Variants in ESCO2 observed in about 807,000 individuals in gnomAD.
ESCO2 encodes the protein establishment of sister chromatid cohesion N-acetyltransferase 2.
A neutral mutation model predicts 61.7 loss-of-function variants in ESCO2; 51 were observed. That is an observed-to-expected ratio of 0.83 (90% CI 0.66 to 1.04). The LOEUF (loss-of-function observed/expected upper bound fraction) is 1.04. ESCO2 is among the 50% of genes least tolerant of loss of function. ESCO2 has a pLI of 0.00. For synonymous variants in ESCO2, 230 were observed against 238.2 expected, an observed-to-expected ratio of 0.97 and a Z score of 0.32; for missense variants, 692 against 686.2, an observed-to-expected ratio of 1.01 and a Z score of -0.09.
At chr8:27,790,949 T>C (rs1805161952) in intron 7 of ESCO2, among the ~76,000 whole-genome samples, 1 of 152,222 alleles carries the variant, frequency 6.6e-6, no homozygotes, top group African/African-American at 2.4e-5. Context: ...GTAAGTTCCC[T>C]TTCATCCTTC....
At chr8:27,792,927 A>G (rs1352947494) in intron 9 of ESCO2, 116 bp downstream of exon 9, 5 of 1,161,984 alleles carry the variant, frequency 4.3e-6, no homozygotes, top group Non-Finnish European at 5.9e-6. Context: ...CTACTGAAAT[A>G]TCCTTGACCT....
chr8:27,774,078 A>G (rs955723598), upstream of ESCO2, among the ~76,000 whole-genome samples: 6 of 152,266 alleles, frequency 3.9e-5, no homozygotes, highest in African/African-American at 1.2e-4. Context: ...AAAAATAAAT[A>G]GAAACCTAAA....
At chr8:27,775,406 A>G in intron 1 of ESCO2, 93 bp from the exon 2 acceptor site, 2 of 1,116,444 alleles carry the variant, frequency 1.8e-6, no homozygotes, top group South Asian at 2.5e-5. Flanking sequence ...TAGGGTTTTA[A>G]CTTGGTGTGA....
intron 5 of ESCO2, among the ~76,000 whole-genome samples, chr8:27,787,415 G>GTAAAATGC (rs57571614): frequency 6.6e-6 from 1 of 151,360 alleles, no homozygotes; most frequent in African/African-American, 2.4e-5. Context: ...CATTGCCCAG[G>GTAAAATGC]TGCTGGGTCA....
At chr8:27,810,986 AAT>A, downstream of ESCO2, 1 of 1,607,516 alleles carries the variant, frequency 6.2e-7, no homozygotes, top group East Asian at 2.2e-5. Flanking sequence ...TTGAAAGATT[AAT>A]GTGTGGAATC....
At chr8:27,808,943 T>C (rs13261929), downstream of ESCO2, among the ~76,000 whole-genome samples, 5 of 152,194 alleles carry the variant, frequency 3.3e-5, no homozygotes, top group Non-Finnish European at 7.3e-5. Flanking sequence ...TTGCTGGTCT[T>C]GTCCTTGGTA....
At chr8:27,817,993 TTAATG>T in the ESCO2 span, among the ~76,000 whole-genome samples, 15 of 152,316 alleles carry the variant, frequency 9.8e-5, no homozygotes, top group South Asian at 3.1e-3. Context: ...TGTTTTAATA[TTAATG>T]TAAATAGCAA....
At chr8:27,795,845 G>A (rs1422607788) in intron 9 of ESCO2, among the ~76,000 whole-genome samples, 3 of 152,158 alleles carry the variant, frequency 2.0e-5, no homozygotes, top group East Asian at 3.9e-4. Context: ...AAGTCCACTG[G>A]ATCATGGTGT....
Position 27,803,740 on chromosome 8 carries a change from G to C in ESCO2, c.*302G>C. Reference sequence around the variant, plus strand: ...TAACTGGAAAATTACCTGACTCTTTGTAAGAGTATTAAATACAAAGTGATT... The same window carrying C: ...TAACTGGAAAATTACCTGACTCTTTCTAAGAGTATTAAATACAAAGTGATT... On this transcript the variant is annotated 3_prime_UTR_variant, in exon 11 of 11. Transcript: ENST00000305188. The C allele has an allele frequency of 8.8e-7, 1 of 1,142,104 alleles. No individual in the cohort carries two copies. Among genetic ancestry groups the C allele is most frequent in the Non-Finnish European group, 1.1e-6 (1 of 928,778 alleles). The allele number at this position is 1,142,104 out of a possible 1,614,324, so 70.7% of individuals were successfully genotyped here. A position where few individuals can be genotyped will look rare whatever the true frequency, so the allele number is the denominator to read the frequency against.
chr8:27,791,515 G>C (rs945050602), intron 7 of ESCO2, among the ~76,000 whole-genome samples: 1 of 152,198 alleles, frequency 6.6e-6, no homozygotes, highest in Non-Finnish European at 1.5e-5. Flanking sequence ...GATTAAAATA[G>C]TTGTAAGACT....
chr8:27,778,627 CTGA>C (rs1178602537), intron 3 of ESCO2: 1 of 152,162 alleles, frequency 6.6e-6, no homozygotes, highest in East Asian at 1.9e-4. Flanking sequence ...CATGCATCTC[CTGA>C]TGATTATTCT....
At chr8:27,784,444 C>G (rs189301499) in intron 5 of ESCO2, among the ~76,000 whole-genome samples, 1 of 152,242 alleles carries the variant, frequency 6.6e-6, no homozygotes, top group Admixed American at 6.5e-5. Context: ...CTATTAGGTG[C>G]TAGGACCAGG....
chr8:27,777,052 T>C lies in ESCO2; in HGVS notation c.744T>C (p.Thr248=), dbSNP rs1388596655. 1 of 1,608,246 alleles carries C rather than the reference T, an allele frequency of 6.2e-7. No homozygotes were observed. Among genetic ancestry groups the C allele is most frequent in the Non-Finnish European group, 8.5e-7 (1 of 1,178,692 alleles). The stretch of plus-strand genomic sequence containing the variant: ...TCATTGAAGATTCTGATGTAGAGAC[T>C]GTCAGTGAAAAAAAAACTTTTGCGA... ...SEVIEDSDVE[T]VSEKKTFATR... Residue 248 remains threonine (T), a synonymous_variant, in exon 3 of 11, where the codon ACT becomes ACC. Transcript: ENST00000305188.
chr8:27,801,399 A>G lies in ESCO2; in HGVS notation c.1673+1683A>G, dbSNP rs186027202. Among the ~76,000 whole-genome samples the G allele has an allele frequency of 1.5e-4, 23 of 152,324 alleles. 1 individual carries two copies. The highest frequency in any genetic ancestry group is 5.5e-4 in the African/African-American group (23 of 41,586). ...TGCCACTTTTAAAAAATAAATGCCA[A>G]CACCATTATGGGGACCGGATCTTGG... On this transcript the variant is annotated intron_variant, in intron 10 of 10. Transcript: ENST00000305188.
chr8:27,781,242 G>A (rs1045566231), intron 4 of ESCO2, among the ~76,000 whole-genome samples: 1 of 151,306 alleles, frequency 6.6e-6, no homozygotes, highest in African/African-American at 2.5e-5. Context: ...AAATGGACTT[G>A]GGTTAAGTAA....
At chr8:27,810,247 G>A (rs1805644923), downstream of ESCO2, 1 of 1,160,268 alleles carries the variant, frequency 8.6e-7, no homozygotes, top group Non-Finnish European at 1.3e-6. Flanking sequence ...TAGTAACTAT[G>A]TAAATATTTT....
At chr8:27,789,580 G>C (rs1805127396) in intron 7 of ESCO2, among the ~76,000 whole-genome samples, 1 of 152,054 alleles carries the variant, frequency 6.6e-6, no homozygotes, top group Admixed American at 6.6e-5. Context: ...AGGAGTTTGA[G>C]ACCAGCCTGC....
intron 8 of ESCO2, 73 bp from the exon 9 acceptor site, chr8:27,792,595 G>T (rs1332616825): frequency 7.0e-7 from 1 of 1,421,534 alleles, no homozygotes; most frequent in Non-Finnish European, 9.7e-7. Flanking sequence ...CATACATTCT[G>T]TGTATATAAA....
chr8:27,810,291 A>G (rs1450936343), downstream of ESCO2: 1 of 1,575,610 alleles, frequency 6.3e-7, no homozygotes, highest in African/African-American at 1.3e-5. Context: ...GCCACACTTC[A>G]GCTGAGATGA....
Sources: gnomAD v4.1 joint callset for allele counts (sites outside exome capture counted in the v4.1 genomes callset) on GRCh38, gnomAD v4.1.1 for gene constraint, MANE v1.5 for transcripts, NCBI Gene and HGNC (gene_info 2026-07-23, HGNC 2026-07-21) for gene names.